The following ZNF140 variants were observed in gnomAD, a reference collection of about 807,000 sequenced individuals.
ZNF140 encodes zinc finger protein 140 (clone pHZ-39).
Under a neutral mutation model 12.9 loss-of-function variants are expected in ZNF140, and 13 were observed. The ratio of observed to expected loss-of-function variants is 1.01; its 90% CI spans 0.66 to 1.60. The LOEUF is 1.60. ZNF140 is among the 40% of genes most tolerant of loss of function. The probability of loss-of-function intolerance (pLI) is 0.00; values close to 1 mark genes in which losing one functional copy is unlikely to be tolerated. For synonymous variants in ZNF140, 214 were observed against 186.7 expected, an observed-to-expected ratio of 1.15 and a Z score of -1.19; for missense variants, 531 against 548.8, an observed-to-expected ratio of 0.97 and a Z score of 0.32.
intron 4 of ZNF140, among the ~76,000 whole-genome samples, chr12:133,087,471 G>A (rs1007631568): frequency 6.6e-6 from 1 of 150,742 alleles, no homozygotes; most frequent in African/African-American, 2.4e-5. Flanking sequence ...TTCTAAATTG[G>A]TAGGTTTGGG....
At chr12:133,095,250 A>C (rs1323571926) in intron 4 of ZNF140, among the ~76,000 whole-genome samples, 2 of 151,046 alleles carry the variant, frequency 1.3e-5, no homozygotes, top group Non-Finnish European at 2.9e-5. Flanking sequence ...TTTCTGTAGA[A>C]GCTTTAACTC....
chr12:133,081,364 T>TAC (rs1555291971), intron 2 of ZNF140, 35 bp downstream of exon 2: 2 of 268,618 alleles, frequency 7.4e-6, no homozygotes, highest in African/African-American at 5.4e-5. Context: ...TATATATATA[T>TAC]ATATATAAAT....
Position 133,105,926 on chromosome 12 carries a change from C to T in ZNF140, c.649C>T (p.His217Tyr). The T allele has an allele frequency of 6.2e-7, 1 of 1,614,134 alleles. No homozygotes were observed. Among genetic ancestry groups the T allele is most frequent in the Admixed American group, 1.7e-5 (1 of 60,018 alleles). Reference protein sequence around the residue: ...HQMIHTGKKPHECKDCNKTFS... With the variant: ...HQMIHTGKKPYECKDCNKTFS... ...AATGATACATACTGGAAAGAAACCC[C>T]ATGAGTGTAAGGACTGTAATAAAAC... The change falls in exon 5 of 5, where the codon CAT (histidine) becomes TAT (tyrosine). Residue 217 changes from histidine (H) to tyrosine (Y), a missense_variant. Coordinates refer to ENST00000355557, the MANE Select transcript of ZNF140 (RefSeq NM_003440.4).
In ZNF140 at chr12:133,100,530, G is replaced by C. The variant is rs2137564787; in HGVS notation, c.233-4980G>C. Among the ~76,000 whole-genome samples the C allele has an allele frequency of 1.3e-5, 2 of 152,280 alleles. 1 individual carries two copies. The highest frequency in any genetic ancestry group is 4.1e-4 in the South Asian group (2 of 4,822). ...CTTGTGGTTGCAACTTTAGCAGTTT[G>C]AGGTGCAACAGCGAAACTAGCTGAG... On this transcript the variant is annotated intron_variant, in intron 4 of 4. Coordinates refer to ENST00000355557, the MANE Select transcript of ZNF140 (RefSeq NM_003440.4).
intron 4 of ZNF140, among the ~76,000 whole-genome samples, chr12:133,091,827 G>A (rs1954900771): frequency 6.6e-6 from 1 of 150,850 alleles, no homozygotes; most frequent in Admixed American, 6.6e-5. Context: ...CTTTCAATTT[G>A]GAAATATCTA....
chr12:133,091,935 CG>C (rs1268578834), intron 4 of ZNF140, among the ~76,000 whole-genome samples: 1 of 151,168 alleles, frequency 6.6e-6, no homozygotes, highest in Non-Finnish European at 1.5e-5. Flanking sequence ...AAAAATCTGA[CG>C]TAGTCCAGTC....
chr12:133,105,186 A>G (rs1448136634), intron 4 of ZNF140, among the ~76,000 whole-genome samples: 3 of 152,224 alleles, frequency 2.0e-5, no homozygotes, highest in Non-Finnish European at 4.4e-5. Context: ...TGCCATTTTT[A>G]GATAATTCTG....
chr12:133,101,536 C>A (rs911865044), intron 4 of ZNF140, among the ~76,000 whole-genome samples: 2 of 152,200 alleles, frequency 1.3e-5, no homozygotes, highest in Admixed American at 6.5e-5. Flanking sequence ...GCTCCACCTC[C>A]CGGGTTCACG....
upstream of ZNF140, chr12:133,080,467 TG>T (rs1954427481): frequency 6.6e-6 from 1 of 152,540 alleles, no homozygotes; most frequent in Non-Finnish European, 1.5e-5. Context: ...CTGGGAAGTG[TG>T]GTGGCCTGAG....
intron 4 of ZNF140, among the ~76,000 whole-genome samples, chr12:133,095,614 T>C (rs1012490456): frequency 6.6e-6 from 1 of 151,828 alleles, no homozygotes. Flanking sequence ...ACCAAGGACC[T>C]GCACCAGCAC....
At chr12:133,084,579 GAAAC>G (rs1214743888) in intron 4 of ZNF140, among the ~76,000 whole-genome samples, 1 of 152,336 alleles carries the variant, frequency 6.6e-6, no homozygotes, top group South Asian at 2.1e-4. Flanking sequence ...TAGTACTAGA[GAAAC>G]AAAAGACAGA....
intron 4 of ZNF140, 73 bp downstream of exon 4, chr12:133,083,634 T>A: frequency 7.0e-7 from 1 of 1,424,688 alleles, no homozygotes; most frequent in Non-Finnish European, 9.7e-7. Context: ...GAATACTTTT[T>A]AATATGTTGA....
chr12:133,090,377 A>G (rs1954814642), intron 4 of ZNF140, among the ~76,000 whole-genome samples: 1 of 152,080 alleles, frequency 6.6e-6, no homozygotes, highest in African/African-American at 2.4e-5. Flanking sequence ...TCCTGTCCTC[A>G]AATGATCTAC....
At chr12:133,089,795 G>T (rs1954795569) in intron 4 of ZNF140, among the ~76,000 whole-genome samples, 1 of 149,716 alleles carries the variant, frequency 6.7e-6, no homozygotes, top group Non-Finnish European at 1.5e-5. Context: ...AGAGAACTAG[G>T]TTGATTTGGT....
intron 2 of ZNF140, 161 bp from the exon 3 acceptor site, chr12:133,082,942 A>G: frequency 9.9e-7 from 1 of 1,015,146 alleles, no homozygotes. Context: ...AAAACACAAG[A>G]GCTAGGCTCT....
intron 4 of ZNF140, among the ~76,000 whole-genome samples, chr12:133,105,142 G>A (rs940178678): frequency 3.9e-5 from 6 of 152,124 alleles, no homozygotes; most frequent in Non-Finnish European, 5.9e-5. Context: ...GCAATCTGAC[G>A]AACACTTAGT....
intron 4 of ZNF140, among the ~76,000 whole-genome samples, chr12:133,087,930 A>G (rs990409492): frequency 2.0e-5 from 3 of 152,266 alleles, no homozygotes; most frequent in East Asian, 3.9e-4. Flanking sequence ...CAGGAGTTCA[A>G]GACCAGCTTG....
chr12:133,105,503 CTTTCAG>C lies in ZNF140; in HGVS notation c.233_238del. 19 of 1,563,798 alleles carry C rather than the reference CTTTCAG, an allele frequency of 1.2e-5. No homozygotes were observed. The highest frequency in any genetic ancestry group is 1.6e-5 in the Non-Finnish European group (19 of 1,159,216). ...GAAACATTCACTTTTTTTTTGGTAT[CTTTCAG>C]TTTCAGAGTCAAGTGGTGAGATCAA... On this transcript the variant is annotated splice_acceptor_variant and splice_polypyrimidine_tract_variant and intron_variant, in intron 4 of 4. Coordinates refer to ENST00000355557, the MANE Select transcript of ZNF140 (RefSeq NM_003440.4). LOFTEE classifies it high-confidence loss of function.
intron 2 of ZNF140, 46 bp from the exon 3 acceptor site, chr12:133,083,057 T>TG: frequency 6.2e-7 from 1 of 1,613,588 alleles, no homozygotes; most frequent in Non-Finnish European, 8.5e-7. Flanking sequence ...TGAGGGAGTT[T>TG]GGGGGCATGC....
Sources: gnomAD v4.1 joint callset for allele counts (sites outside exome capture counted in the v4.1 genomes callset) on GRCh38, gnomAD v4.1.1 for gene constraint, MANE v1.5 for transcripts, NCBI Gene and HGNC (gene_info 2026-07-23, HGNC 2026-07-21) for gene names.